Variants in PTPN13 observed in about 807,000 individuals in gnomAD.
The protein encoded by PTPN13 is protein tyrosine phosphatase non-receptor type 13, also known as tyrosine-protein phosphatase non-receptor type 13.
In PTPN13, 191 loss-of-function variants were observed where a neutral mutation model predicts 284.0. The ratio of observed to expected loss-of-function variants is 0.67; its 90% CI spans 0.60 to 0.76. PTPN13 has a LOEUF of 0.76. Ranked by LOEUF, PTPN13 falls within the 30% of genes least tolerant of loss-of-function variation. The probability of loss-of-function intolerance (pLI) is 0.00; values close to 1 mark genes in which losing one functional copy is unlikely to be tolerated. For synonymous variants in PTPN13, 986 were observed against 1,022.3 expected (o/e 0.96, Z 0.68); for missense variants, 2,797 against 2,939.9 (o/e 0.95, Z 1.12).
At chr4:86,803,465 T>G (rs1744281124) in intron 42 of PTPN13, among the ~76,000 whole-genome samples, 1 of 151,986 alleles carries the variant, frequency 6.6e-6, no homozygotes. Flanking sequence ...AGAGGGTGCA[T>G]GACTGTGGTC....
chr4:86,654,416 A>G (rs1725491974), intron 2 of PTPN13, among the ~76,000 whole-genome samples: 2 of 152,166 alleles, frequency 1.3e-5, no homozygotes, highest in Admixed American at 1.3e-4. Flanking sequence ...ACTGCTGTAA[A>G]TGTGTCCCAG....
chr4:86,717,187 GAA>G, intron 9 of PTPN13, 70 bp downstream of exon 9: 1 of 1,006,074 alleles, frequency 9.9e-7, no homozygotes, highest in Non-Finnish European at 1.4e-6. Flanking sequence ...GAATTAAATG[GAA>G]TTTTTTTTTT....
intron 2 of PTPN13, among the ~76,000 whole-genome samples, chr4:86,641,961 G>T (rs1259019516): frequency 6.6e-6 from 1 of 152,044 alleles, no homozygotes; most frequent in Non-Finnish European, 1.5e-5. Flanking sequence ...AATTCCTAGG[G>T]ATAGTCAAAA....
chr4:86,607,175 A>G (rs1429415913), intron 1 of PTPN13, among the ~76,000 whole-genome samples: 1 of 151,776 alleles, frequency 6.6e-6, no homozygotes, highest in Middle Eastern at 3.2e-3. Flanking sequence ...GTCTTTAAAT[A>G]CCCTTACTAC....
intron 7 of PTPN13, among the ~76,000 whole-genome samples, chr4:86,708,868 C>T (rs1372084291): frequency 6.6e-6 from 1 of 151,690 alleles, no homozygotes; most frequent in African/African-American, 2.4e-5. Flanking sequence ...GATTATATCT[C>T]TCCTCTCATC....
intron 1 of PTPN13, among the ~76,000 whole-genome samples, chr4:86,598,656 T>C (rs1434729114): frequency 6.6e-6 from 1 of 152,244 alleles, no homozygotes; most frequent in Non-Finnish European, 1.5e-5. Flanking sequence ...AAATGTCTTT[T>C]GTTGCATACT....
At chr4:86,607,456 A>G (rs1001104373) in intron 1 of PTPN13, among the ~76,000 whole-genome samples, 1 of 151,982 alleles carries the variant, frequency 6.6e-6, no homozygotes, top group African/African-American at 2.4e-5. Flanking sequence ...GAGACGTAGT[A>G]TATTATTTAT....
chr4:86,610,709 T>C (rs148792335), intron 1 of PTPN13, among the ~76,000 whole-genome samples: 2,445 of 152,332 alleles, frequency 0.016, 15 homozygotes, highest in Non-Finnish European at 0.026. Context: ...CTTTTGCAAA[T>C]GTGGTGTAGG....
intron 19 of PTPN13, among the ~76,000 whole-genome samples, chr4:86,752,335 T>C (rs571261580): frequency 6.6e-6 from 1 of 152,306 alleles, no homozygotes; most frequent in African/African-American, 2.4e-5. Flanking sequence ...TGCATTATAA[T>C]ACATAAATAT....
intron 2 of PTPN13, among the ~76,000 whole-genome samples, chr4:86,652,704 C>T (rs1243313936): frequency 1.3e-5 from 2 of 151,894 alleles, no homozygotes; most frequent in Admixed American, 6.6e-5. Flanking sequence ...TATCCTTCTC[C>T]TTTGAGTTTG....
At chr4:86,745,885 G>C (rs545512035) in intron 17 of PTPN13, among the ~76,000 whole-genome samples, 1 of 152,226 alleles carries the variant, frequency 6.6e-6, no homozygotes, top group African/African-American at 2.4e-5. Flanking sequence ...GGTGGCACTT[G>C]AATTGGATAT....
Position 86,807,502 on chromosome 4 carries a change from G to A in PTPN13, c.6746-58G>A, listed in dbSNP as rs568038770. 3 of 1,302,604 alleles carry A rather than the reference G, an allele frequency of 2.3e-6. No homozygotes were observed. The South Asian group carries it at 4.3e-5, about 19-fold the overall frequency. 80.7% of individuals were successfully genotyped at this position (1,302,604 alleles called of 1,614,324 possible). A position where few individuals can be genotyped will look rare whatever the true frequency, so the allele number is the denominator to read the frequency against. ...GATCTTTGACTCATGCAATTTGTAAGACTCTTGTTTAAAATGCATGATATG... is the reference window on the plus strand; with the variant it reads ...GATCTTTGACTCATGCAATTTGTAAAACTCTTGTTTAAAATGCATGATATG... On this transcript the variant is annotated intron_variant, in intron 44 of 47. Transcript: ENST00000411767.
chr4:86,601,198 T>C (rs1303843015), intron 1 of PTPN13, among the ~76,000 whole-genome samples: 28 of 152,086 alleles, frequency 1.8e-4, no homozygotes, highest in Non-Finnish European at 1.5e-5. Context: ...AACAAAAACC[T>C]AAAAATTAAA....
chr4:86,812,233 C>T (rs1745291563), intron 47 of PTPN13, among the ~76,000 whole-genome samples: 1 of 147,834 alleles, frequency 6.8e-6, no homozygotes, highest in Non-Finnish European at 1.5e-5. Flanking sequence ...TGGCGTGAAC[C>T]CGGGAGGCGG....
chr4:86,731,758 C>G (rs887324623), intron 10 of PTPN13, among the ~76,000 whole-genome samples: 1 of 152,130 alleles, frequency 6.6e-6, no homozygotes, highest in African/African-American at 2.4e-5. Context: ...ATCCTCTGGC[C>G]TCAGCCCTCT....
chr4:86,704,171 C>T (rs774388351), intron 7 of PTPN13, among the ~76,000 whole-genome samples: 8 of 152,078 alleles, frequency 5.3e-5, no homozygotes, highest in East Asian at 3.9e-4. Context: ...GCAACAAGAG[C>T]GAAACTCCGT....
chr4:86,701,425 C>T lies in PTPN13; in HGVS notation c.819C>T (p.Ser273=), dbSNP rs191050128. The T allele has an allele frequency of 3.1e-4, 498 of 1,613,684 alleles. 2 individuals are homozygous for T. The African/African-American group carries it at 6.2e-3, about 20-fold the overall frequency. Residue 273 remains serine (S), a synonymous_variant, in exon 7 of 48, where the codon TCC becomes TCT. Transcript: ENST00000411767. ...SGREDSENTF[S]PYQFKTSGPE... is the part of the protein sequence containing the mutation. ...GTGAAGATTCTGAAAATACATTCTCCCCTTACCAGTTCAAAACTAGTGGCC... is the reference window on the plus strand; with the variant it reads ...GTGAAGATTCTGAAAATACATTCTCTCCTTACCAGTTCAAAACTAGTGGCC...
At chr4:86,649,380 A>C (rs1176165387) in intron 2 of PTPN13, among the ~76,000 whole-genome samples, 1 of 152,104 alleles carries the variant, frequency 6.6e-6, no homozygotes, top group Non-Finnish European at 1.5e-5. Flanking sequence ...TTAAGTCTTT[A>C]ATCTATTTTG....
At chr4:86,798,490 C>T (rs2149358300) in intron 41 of PTPN13, among the ~76,000 whole-genome samples, 1 of 152,316 alleles carries the variant, frequency 6.6e-6, no homozygotes, top group South Asian at 2.1e-4. Context: ...CGTATTCAGG[C>T]TTTTACGTAA....
Sources: allele counts gnomAD v4.1 joint callset (sites outside exome capture counted in the v4.1 genomes callset), GRCh38; gene constraint gnomAD v4.1.1; transcripts MANE v1.5; gene names NCBI Gene and HGNC (gene_info 2026-07-23, HGNC 2026-07-21).